The following MGAT3 variants were observed in gnomAD, a reference collection of about 807,000 sequenced individuals.
MGAT3 encodes beta-1,4-mannosyl-glycoprotein 4-beta-N-acetylglucosaminyltransferase, also known as GlcNAc-T III.
MGAT3 carries 9 observed loss-of-function variants against 29.8 expected under a neutral mutation model. The ratio of observed to expected loss-of-function variants is 0.30; its 90% CI spans 0.18 to 0.53. The LOEUF is 0.53. MGAT3 is among the 20% of genes least tolerant of loss of function. The pLI, the probability that MGAT3 is intolerant of heterozygous loss-of-function variation, is 0.96. For synonymous variants in MGAT3, 397 were observed against 348.9 expected, an observed-to-expected ratio of 1.14 and a Z score of -1.54; for missense variants, 557 against 769.5, an observed-to-expected ratio of 0.72 and a Z score of 3.27.
At chr22:39,479,103 G>C (rs1048623432) in intron 1 of MGAT3, among the ~76,000 whole-genome samples, 4 of 152,200 alleles carry the variant, frequency 2.6e-5, no homozygotes, top group Non-Finnish European at 5.9e-5. Context: ...CCCAACACTG[G>C]GGGGCCGAGG....
intron 1 of MGAT3, among the ~76,000 whole-genome samples, chr22:39,480,552 G>A (rs909153426): frequency 4.9e-5 from 7 of 144,304 alleles, no homozygotes; most frequent in East Asian, 2.3e-4. Flanking sequence ...ATCCCACCCC[G>A]CCCATCCCTC....
chr22:39,489,103 T>A lies in MGAT3; in HGVS notation c.*154T>A. The A allele has an allele frequency of 9.8e-7, 1 of 1,023,130 alleles. No homozygotes were observed. The highest frequency in any genetic ancestry group is 1.4e-6 in the Non-Finnish European group (1 of 710,226). 63.4% of individuals were successfully genotyped at this position (1,023,130 alleles called of 1,614,324 possible). A position where few individuals can be genotyped will look rare whatever the true frequency, so the allele number is the denominator to read the frequency against. On this transcript the variant is annotated 3_prime_UTR_variant, in exon 2 of 2. Coordinates refer to ENST00000341184, the MANE Select transcript of MGAT3 (RefSeq NM_002409.5). ...TAGGGTTTCCCTACTGAAGCCCTTGTGAATCAAGGGTCAGGCCTTTGAGCT... is the reference window on the plus strand; with the variant it reads ...TAGGGTTTCCCTACTGAAGCCCTTGAGAATCAAGGGTCAGGCCTTTGAGCT...
rs147328754 is a variant in MGAT3 at position 39,473,577 on chromosome 22, A to G, written c.-1-13770A>G. On this transcript the variant is annotated intron_variant, in intron 1 of 1. Transcript: ENST00000341184. ...CCTACATGTGAACGTTGGGGGACAC[A>G]TTTTTCAGACTATAGCACCCCCTAC... Among the ~76,000 whole-genome samples, 49 of 152,162 alleles carry G rather than the reference A, an allele frequency of 3.2e-4. 1 individual carries two copies. In the East Asian group the frequency reaches 7.4e-3, roughly 23 times the overall value.
intron 1 of MGAT3, among the ~76,000 whole-genome samples, chr22:39,469,174 C>T (rs983403787): frequency 4.1e-5 from 6 of 145,670 alleles, no homozygotes; most frequent in South Asian, 2.2e-4. Context: ...TTGGGAAGTG[C>T]GGGCAGTGGG....
At chr22:39,485,280 C>T (rs546531651) in intron 1 of MGAT3, among the ~76,000 whole-genome samples, 9 of 152,128 alleles carry the variant, frequency 5.9e-5, no homozygotes, top group Admixed American at 2.0e-4. Flanking sequence ...TGGATGGCTA[C>T]GGTCGGAGGT....
intron 1 of MGAT3, among the ~76,000 whole-genome samples, chr22:39,484,820 T>C (rs1208066389): frequency 6.6e-6 from 1 of 152,030 alleles, no homozygotes; most frequent in Non-Finnish European, 1.5e-5. Context: ...CTGGCCAACG[T>C]AGTGAAACCA....
At chr22:39,466,457 C>T (rs1244996775) in intron 1 of MGAT3, among the ~76,000 whole-genome samples, 1 of 152,214 alleles carries the variant, frequency 6.6e-6, no homozygotes, top group Non-Finnish European at 1.5e-5. Flanking sequence ...GACCTCCTTC[C>T]TCCGGGGCTG....
chr22:39,475,012 T>A (rs1928912951), intron 1 of MGAT3, among the ~76,000 whole-genome samples: 1 of 151,618 alleles, frequency 6.6e-6, no homozygotes, highest in Non-Finnish European at 1.5e-5. Context: ...CTTCCTGGAG[T>A]CAGAGAGGCC....
At chr22:39,467,423 A>C (rs1928679798) in intron 1 of MGAT3, among the ~76,000 whole-genome samples, 1 of 152,134 alleles carries the variant, frequency 6.6e-6, no homozygotes, top group Admixed American at 6.5e-5. Context: ...GGAAAGCTGG[A>C]CTGGGCCTTC....
intron 1 of MGAT3, among the ~76,000 whole-genome samples, chr22:39,474,708 G>A (rs985753752): frequency 3.9e-5 from 6 of 152,236 alleles, no homozygotes; most frequent in Non-Finnish European, 8.8e-5. Context: ...GCCACCAGCA[G>A]TACTCATTCC....
At chr22:39,479,386 C>A (rs1311837437) in intron 1 of MGAT3, among the ~76,000 whole-genome samples, 1 of 152,194 alleles carries the variant, frequency 6.6e-6, no homozygotes, top group Non-Finnish European at 1.5e-5. Context: ...GGGCTGGGCA[C>A]AACTTACGGG....
At chr22:39,476,323 T>A (rs1928961943) in intron 1 of MGAT3, 1 of 152,372 alleles carries the variant, frequency 6.6e-6, no homozygotes, top group African/African-American at 2.4e-5. Context: ...CTCGTGGGTA[T>A]TCTGGTGGCC....
At chr22:39,470,936 C>G (rs537378161) in intron 1 of MGAT3, among the ~76,000 whole-genome samples, 1 of 152,204 alleles carries the variant, frequency 6.6e-6, no homozygotes, top group Non-Finnish European at 1.5e-5. Context: ...GCAGCCCTCG[C>G]CCCACGCTGA....
At chr22:39,475,128 C>CTTTTTTTATTTTTTTTT (rs1928916913) in intron 1 of MGAT3, among the ~76,000 whole-genome samples, 1 of 118,800 alleles carries the variant, frequency 8.4e-6, no homozygotes, top group African/African-American at 3.7e-5. Flanking sequence ...GCTTGCCAGG[C>CTTTTTTTATTTTTTTTT]TTTTTTTTTT....
chr22:39,475,991 C>G (rs1159675925), intron 1 of MGAT3: 2 of 152,230 alleles, frequency 1.3e-5, no homozygotes, highest in Non-Finnish European at 2.9e-5. Context: ...GGATGAGGAG[C>G]TGATGTCCTG....
chr22:39,466,198 A>C (rs2145711754), intron 1 of MGAT3, among the ~76,000 whole-genome samples: 1 of 152,314 alleles, frequency 6.6e-6, no homozygotes, highest in South Asian at 2.1e-4. Context: ...GTATTCTAAC[A>C]GCGGGAAGAA....
intron 1 of MGAT3, among the ~76,000 whole-genome samples, chr22:39,478,452 C>A (rs982652456): frequency 3.3e-5 from 5 of 152,160 alleles, no homozygotes; most frequent in Admixed American, 1.3e-4. Context: ...GAGGGGCAGG[C>A]GGAGAAGGGG....
Position 39,488,892 on chromosome 22 carries a change from C to T in MGAT3, c.1545C>T (p.His515=), listed in dbSNP as rs755071218. 1 of 1,600,578 alleles carries T rather than the reference C, an allele frequency of 6.2e-7. No individual in the cohort carries two copies. Among genetic ancestry groups the T allele is most frequent in the Non-Finnish European group, 8.5e-7 (1 of 1,174,308 alleles). The change falls in exon 2 of 2, where the codon CAC becomes CAT. Residue 515 remains histidine, a synonymous_variant. Transcript: ENST00000341184. ...PRSTAAGGWR[H]RGPEGRPPAR... ...GCACGGCGGCGGGCGGGTGGCGCCA[C>T]AGGGGTCCCGAGGGAAGGCCGCCCG...
intron 1 of MGAT3, among the ~76,000 whole-genome samples, chr22:39,484,022 G>C (rs752358696): frequency 2.0e-5 from 3 of 152,194 alleles, no homozygotes; most frequent in African/African-American, 7.2e-5. Flanking sequence ...AGGACTCCTC[G>C]CAAGCTGAGG....
Sources: gnomAD v4.1 joint callset for allele counts (sites outside exome capture counted in the v4.1 genomes callset) on GRCh38, gnomAD v4.1.1 for gene constraint, MANE v1.5 for transcripts, NCBI Gene and HGNC (gene_info 2026-07-23, HGNC 2026-07-21) for gene names.